The following SNX8 variants were observed in gnomAD, a reference collection of about 807,000 sequenced individuals.
The protein encoded by SNX8 is sorting nexin-8.
SNX8 carries 25 observed loss-of-function variants against 51.6 expected under a neutral mutation model. The ratio of observed to expected loss-of-function variants is 0.48; its 90% CI spans 0.35 to 0.68. The LOEUF (loss-of-function observed/expected upper bound fraction) is 0.68. Ranked by LOEUF, SNX8 falls within the 30% of genes least tolerant of loss-of-function variation. SNX8 has a pLI of 0.00. For missense variants in SNX8, 695 were observed against 624.0 expected (o/e 1.11, Z -1.21); for synonymous variants, 324 against 277.0 (o/e 1.17, Z -1.68).
chr7:2,265,623 G>A (rs182317643), intron 5 of SNX8, among the ~76,000 whole-genome samples: 2 of 152,180 alleles, frequency 1.3e-5, no homozygotes, highest in Non-Finnish European at 1.5e-5. Flanking sequence ...CCAGCCTGGG[G>A]ACCCTGTCCC....
chr7:2,320,290 G>A (rs1166574970), intron 1 of SNX8, among the ~76,000 whole-genome samples: 4 of 152,110 alleles, frequency 2.6e-5, no homozygotes, highest in Non-Finnish European at 5.9e-5. Flanking sequence ...GGGAGGCGGA[G>A]GTTGTGGGGG....
At chr7:2,313,828 G>C (rs1306446739) in intron 1 of SNX8, among the ~76,000 whole-genome samples, 1 of 152,224 alleles carries the variant, frequency 6.6e-6, no homozygotes, top group Non-Finnish European at 1.5e-5. Context: ...GTTCACAGAT[G>C]AGAAAACAGA....
intron 1 of SNX8, among the ~76,000 whole-genome samples, chr7:2,329,490 TAC>T (rs1025630909): frequency 6.6e-6 from 1 of 152,238 alleles, no homozygotes; most frequent in Non-Finnish European, 1.5e-5. Context: ...TGGTCCTTGC[TAC>T]AGTGTTTTGT....
intron 1 of SNX8, among the ~76,000 whole-genome samples, chr7:2,339,162 C>G (rs992072957): frequency 2.0e-5 from 3 of 152,136 alleles, no homozygotes; most frequent in African/African-American, 7.2e-5. Context: ...TCTCAGCCTC[C>G]CAAAGTGCTG....
At chr7:2,332,743 A>AAAGGAAGG (rs57859551) in intron 1 of SNX8, among the ~76,000 whole-genome samples, 24 of 140,380 alleles carry the variant, frequency 1.7e-4, no homozygotes, top group African/African-American at 3.5e-4. Context: ...GAGAGAGAGA[A>AAAGGAAGG]AAGGAAGGAA....
At chr7:2,330,159 A>T in intron 1 of SNX8, among the ~76,000 whole-genome samples, 1 of 115,912 alleles carries the variant, frequency 8.6e-6, no homozygotes, top group African/African-American at 3.4e-5. Context: ...TTTTTTTGAG[A>T]CAGGGTCTCA....
Position 2,252,938 on chromosome 7 carries a change from C to A in SNX8, c.*2118G>T. The A allele has an allele frequency of 7.2e-6, 1 of 139,202 alleles. No individual in the cohort carries two copies. The allele number at this position is 139,202 out of a possible 1,614,324, so 8.6% of individuals were successfully genotyped here. A position where few individuals can be genotyped will look rare whatever the true frequency, so the allele number is the denominator to read the frequency against. ...GTCCCAACGCCTGCCCTCCTGCTCCCCCTCATCCCTCTTCTGCTCCCCCTC... is the reference window on the plus strand; with the variant it reads ...GTCCCAACGCCTGCCCTCCTGCTCCACCTCATCCCTCTTCTGCTCCCCCTC... On this transcript the variant is annotated 3_prime_UTR_variant, in exon 11 of 11. Transcript: ENST00000222990.
At chr7:2,276,139 G>A (rs1165937959) in intron 2 of SNX8, among the ~76,000 whole-genome samples, 1 of 152,186 alleles carries the variant, frequency 6.6e-6, no homozygotes, top group Non-Finnish European at 1.5e-5. Flanking sequence ...ATTTACTTAA[G>A]GGACGGGCAG....
Position 2,314,406 on chromosome 7 carries a change from T to C in SNX8, c.16A>G (p.Met6Val), listed in dbSNP as rs1479486788. 3.3e-6 allele frequency: 4 copies of C among 1,218,204 alleles called. No homozygotes were observed. Among genetic ancestry groups the C allele is most frequent in the South Asian group, 4.1e-5 (1 of 24,310 alleles). The allele number at this position is 1,218,204 out of a possible 1,614,324, so 75.5% of individuals were successfully genotyped here. Residue 6 changes from methionine (M) to valine (V), a missense_variant, in exon 1 of 11, where the codon ATG becomes GTG. Met to Val is a conservative substitution (Grantham distance 21). Transcript: ENST00000222990. ...ACTGCAGCCGCGGGCAGCGGGTCCA[T>C]CGCGCGGCCAGTCATGTGAGCCCGC... MTGRA[M>V]DPLPAAAVGA...
chr7:2,316,758 C>T (rs1330764269), upstream of SNX8, among the ~76,000 whole-genome samples: 1 of 152,044 alleles, frequency 6.6e-6, no homozygotes, highest in African/African-American at 2.4e-5. Context: ...CCCACCCACT[C>T]ACTCACTGCA....
chr7:2,322,388 A>T (rs1053661158), intron 1 of SNX8, among the ~76,000 whole-genome samples: 3 of 152,044 alleles, frequency 2.0e-5, no homozygotes, highest in African/African-American at 7.2e-5. Flanking sequence ...ACAGAGCAAG[A>T]CCCCATCACT....
At chr7:2,270,983 G>C (rs934721532) in intron 4 of SNX8, among the ~76,000 whole-genome samples, 1 of 152,208 alleles carries the variant, frequency 6.6e-6, no homozygotes, top group East Asian at 1.9e-4. Flanking sequence ...CACAGGACCC[G>C]CCTTCCCTGG....
Position 2,257,368 on chromosome 7 carries a change from C to T in SNX8, c.1131G>A (p.Val377=). 1.2e-6 allele frequency: 2 copies of T among 1,606,034 alleles called. No homozygotes were observed. Among genetic ancestry groups the T allele is most frequent in the Non-Finnish European group, 1.7e-6 (2 of 1,179,138 alleles). Reference sequence around the variant, plus strand: ...GCTCGGCCGCCCCGCCACCCACCTCCACAATGCGGGACTCCAGCTGCTCCA... The same window carrying T: ...GCTCGGCCGCCCCGCCACCCACCTCTACAATGCGGGACTCCAGCTGCTCCA... ...ESVEQLESRI[V]EQENAIQTME... The change falls in exon 9 of 11, where the codon GTG becomes GTA. Residue 377 remains valine, a synonymous_variant. Transcript: ENST00000222990.
chr7:2,351,657 C>CCG (rs1554271030), intron 1 of SNX8, among the ~76,000 whole-genome samples: 1 of 151,806 alleles, frequency 6.6e-6, no homozygotes, highest in African/African-American at 2.4e-5. Flanking sequence ...AGGATGAAAC[C>CCG]CGTCTCTACT....
chr7:2,322,962 A>G (rs935381713), intron 1 of SNX8, among the ~76,000 whole-genome samples: 2 of 151,984 alleles, frequency 1.3e-5, no homozygotes, highest in Admixed American at 6.6e-5. Flanking sequence ...GGTTGCAGTA[A>G]GCCGAGATCT....
At chr7:2,262,276 G>C (rs1795355098) in intron 7 of SNX8, among the ~76,000 whole-genome samples, 1 of 152,162 alleles carries the variant, frequency 6.6e-6, no homozygotes, top group Admixed American at 6.5e-5. Context: ...CTGGGCTCAA[G>C]CAGTCCTCCT....
At chr7:2,259,454 A>C (rs1192595091) in intron 7 of SNX8, among the ~76,000 whole-genome samples, 1 of 152,236 alleles carries the variant, frequency 6.6e-6, no homozygotes, top group Non-Finnish European at 1.5e-5. Flanking sequence ...CGTCAAGCTC[A>C]GCAGGAGACG....
At chr7:2,255,517 C>T (rs1281099796) in intron 10 of SNX8, among the ~76,000 whole-genome samples, 1 of 152,182 alleles carries the variant, frequency 6.6e-6, no homozygotes, top group East Asian at 1.9e-4. Flanking sequence ...CTCATGGAAG[C>T]CTTGGCAGGT....
At chr7:2,295,950 T>C (rs1796265566) in intron 1 of SNX8, among the ~76,000 whole-genome samples, 1 of 152,176 alleles carries the variant, frequency 6.6e-6, no homozygotes, top group African/African-American at 2.4e-5. Flanking sequence ...GTGTGCACGT[T>C]TATACCAGGA....
Sources: gnomAD v4.1 joint callset for allele counts (sites outside exome capture counted in the v4.1 genomes callset) on GRCh38, gnomAD v4.1.1 for gene constraint, MANE v1.5 for transcripts, NCBI Gene and HGNC (gene_info 2026-07-23, HGNC 2026-07-21) for gene names.